Variants in LRMDA observed in about 807,000 individuals in gnomAD.
LRMDA encodes the protein leucine-rich melanocyte differentiation-associated protein.
Under a neutral mutation model 29.8 loss-of-function variants are expected in LRMDA, and 18 were observed. That is an observed-to-expected ratio of 0.60 (90% CI 0.42 to 0.90). The LOEUF (loss-of-function observed/expected upper bound fraction) is 0.90, where lower values mean the gene tolerates loss of function less well. Ranked by LOEUF, LRMDA falls within the 40% of genes least tolerant of loss-of-function variation. The probability of loss-of-function intolerance (pLI) is 0.00; values close to 1 mark genes in which losing one functional copy is unlikely to be tolerated. For synonymous variants in LRMDA, 125 were observed against 109.4 expected (o/e 1.14, Z -0.89); for missense variants, 273 against 273.9 (o/e 1.00, Z 0.02).
chr10:76,536,830 CTG>C (rs1414273720), intron 6 of LRMDA, among the ~76,000 whole-genome samples: 2 of 152,126 alleles, frequency 1.3e-5, no homozygotes, highest in Non-Finnish European at 2.9e-5. Flanking sequence ...GACCTAAAGA[CTG>C]TGTGAATATT....
intron 6 of LRMDA, among the ~76,000 whole-genome samples, chr10:76,391,839 T>A (rs898781733): frequency 6.6e-6 from 1 of 152,196 alleles, no homozygotes; most frequent in African/African-American, 2.4e-5. Flanking sequence ...GATTAGGTAG[T>A]AAAATGCCTT....
intron 6 of LRMDA, among the ~76,000 whole-genome samples, chr10:76,451,533 TGACAGCTG>T (rs1299608225): frequency 3.3e-5 from 5 of 151,890 alleles, no homozygotes; most frequent in Admixed American, 3.3e-4. Flanking sequence ...AGACTTTTAT[TGACAGCTG>T]GATATTTTGA....
intron 6 of LRMDA, among the ~76,000 whole-genome samples, chr10:76,338,257 G>C (rs757132765): frequency 2.0e-5 from 3 of 151,982 alleles, no homozygotes; most frequent in Non-Finnish European, 4.4e-5. Context: ...TATACCTGAC[G>C]TAGGAGGACT....
At chr10:75,818,832 A>G (rs1844107481) in intron 2 of LRMDA, among the ~76,000 whole-genome samples, 1 of 152,198 alleles carries the variant, frequency 6.6e-6, no homozygotes, top group Non-Finnish European at 1.5e-5. Context: ...CTGTTATTGC[A>G]GGGCACGTTG....
intron 2 of LRMDA, among the ~76,000 whole-genome samples, chr10:75,488,332 G>A (rs1219783711): frequency 1.3e-5 from 2 of 152,164 alleles, no homozygotes; most frequent in African/African-American, 2.4e-5. Context: ...CATGTGAACT[G>A]AAAGGGACTT....
chr10:76,172,139 G>A (rs578190295), intron 5 of LRMDA, among the ~76,000 whole-genome samples: 2 of 152,282 alleles, frequency 1.3e-5, no homozygotes, highest in South Asian at 2.1e-4. Flanking sequence ...ACCACTGTAG[G>A]AAGGCACTGG....
chr10:76,336,250 C>T (rs758225578), intron 6 of LRMDA, among the ~76,000 whole-genome samples: 1 of 151,966 alleles, frequency 6.6e-6, no homozygotes, highest in East Asian at 1.9e-4. Context: ...AGTGCTGGTT[C>T]AGCTTTTTCA....
intron 2 of LRMDA, among the ~76,000 whole-genome samples, chr10:75,866,268 C>T (rs951318921): frequency 2.0e-5 from 3 of 152,230 alleles, no homozygotes; most frequent in African/African-American, 7.2e-5. Context: ...CTGCTCCACA[C>T]AGCACAGAAT....
chr10:76,386,348 AT>A (rs1179854579), intron 6 of LRMDA, among the ~76,000 whole-genome samples: 1 of 152,240 alleles, frequency 6.6e-6, no homozygotes. Context: ...TAGACCCTCT[AT>A]CTCTCAAAGT....
At chr10:76,520,248 A>T (rs1168750427) in intron 6 of LRMDA, among the ~76,000 whole-genome samples, 1 of 151,108 alleles carries the variant, frequency 6.6e-6, no homozygotes, top group Non-Finnish European at 1.5e-5. Context: ...TCTATTTTGT[A>T]ACACTAATCT....
intron 4 of LRMDA, among the ~76,000 whole-genome samples, chr10:76,051,958 G>T (rs539952799): frequency 6.6e-6 from 1 of 152,178 alleles, no homozygotes; most frequent in East Asian, 1.9e-4. Context: ...AAACATATAC[G>T]TTCAGCAGTT....
At chr10:75,926,560 C>CTTTTTATCTTG (rs1846123383) in intron 2 of LRMDA, among the ~76,000 whole-genome samples, 3 of 152,154 alleles carry the variant, frequency 2.0e-5, no homozygotes, top group African/African-American at 7.2e-5. Flanking sequence ...TGATTTTATG[C>CTTTTTATCTTG]AGTATACTAT....
At chr10:76,226,314 G>A (rs994484208) in intron 5 of LRMDA, among the ~76,000 whole-genome samples, 2 of 152,202 alleles carry the variant, frequency 1.3e-5, no homozygotes, top group South Asian at 4.1e-4. Flanking sequence ...CGGGCGTGGT[G>A]GCTTATACCT....
intron 2 of LRMDA, among the ~76,000 whole-genome samples, chr10:75,626,224 C>T (rs1407283569): frequency 1.3e-5 from 2 of 152,144 alleles, no homozygotes; most frequent in Admixed American, 6.5e-5. Context: ...CTCAGCCCCA[C>T]TGAGAACAGC....
chr10:76,534,176 A>G lies in LRMDA; in HGVS notation c.602-23033A>G, dbSNP rs933163791. On this transcript the variant is annotated intron_variant, in intron 6 of 6. Transcript: ENST00000611255. ...ATATTACATTATTACATATTAAGGA[A>G]GAATGTGAAAAAATGTAATCATAAT... Among the ~76,000 whole-genome samples the G allele has an allele frequency of 2.0e-5, 3 of 152,220 alleles. 1 individual carries two copies. The South Asian group carries it at 6.2e-4, about 32-fold the overall frequency.
At chr10:76,197,913 C>G (rs1167209717) in intron 5 of LRMDA, among the ~76,000 whole-genome samples, 1 of 151,346 alleles carries the variant, frequency 6.6e-6, no homozygotes, top group Non-Finnish European at 1.5e-5. Context: ...GAGAGATACT[C>G]CATTTCAAAA....
chr10:75,988,567 C>T (rs916649220), intron 2 of LRMDA, among the ~76,000 whole-genome samples: 11 of 151,298 alleles, frequency 7.3e-5, no homozygotes, highest in South Asian at 6.4e-4. Context: ...CCAAGATTCA[C>T]GCAGACCGGA....
At chr10:75,468,677 T>C (rs1276615610) in intron 2 of LRMDA, among the ~76,000 whole-genome samples, 1 of 152,070 alleles carries the variant, frequency 6.6e-6, no homozygotes, top group Non-Finnish European at 1.5e-5. Context: ...TTCACAGGTC[T>C]TTGCGGGGGG....
intron 6 of LRMDA, among the ~76,000 whole-genome samples, chr10:76,375,334 T>C (rs552950709): frequency 1.3e-5 from 2 of 151,998 alleles, no homozygotes; most frequent in African/African-American, 2.4e-5. Context: ...AAAAAAAATA[T>C]GTTACCAGAG....
Sources: allele counts gnomAD v4.1 joint callset (sites outside exome capture counted in the v4.1 genomes callset), GRCh38; gene constraint gnomAD v4.1.1; transcripts MANE v1.5; gene names NCBI Gene and HGNC (gene_info 2026-07-23, HGNC 2026-07-21).